PLCB1: variants seen among roughly 807,000 people sequenced by gnomAD.
PLCB1 encodes the protein phospholipase C beta 1.
In PLCB1, 46 loss-of-function variants were observed where a neutral mutation model predicts 161.8. The ratio of observed to expected loss-of-function variants is 0.28; its 90% CI spans 0.22 to 0.36. The LOEUF is 0.36. Among genes scored for constraint, PLCB1 ranks in the 10% least tolerant of loss-of-function variants. PLCB1 has a pLI of 1.00. For synonymous variants in PLCB1, 517 were observed against 503.7 expected (o/e 1.03, Z -0.35); for missense variants, 1,016 against 1,472.5 (o/e 0.69, Z 5.07).
chr20:8,755,324 T>C (rs926315582), intron 23 of PLCB1, among the ~76,000 whole-genome samples: 3 of 151,654 alleles, frequency 2.0e-5, no homozygotes, highest in African/African-American at 7.3e-5. Flanking sequence ...TTTTCATCTG[T>C]AATCACATGC....
intron 2 of PLCB1, among the ~76,000 whole-genome samples, chr20:8,297,891 G>GT (rs201539489): frequency 2.0e-5 from 3 of 147,870 alleles, no homozygotes; most frequent in Admixed American, 6.7e-5. Context: ...TTTCTTTTTG[G>GT]GTTTTTTTTT....
At chr20:8,615,958 TTCTCCAGA>T (rs138511369) in intron 3 of PLCB1, among the ~76,000 whole-genome samples, 3,226 of 152,290 alleles carry the variant, frequency 0.021, 94 homozygotes, top group African/African-American at 0.068. Context: ...AACAGGGTCC[TTCTCCAGA>T]TCTCCCTGCC....
intron 11 of PLCB1, among the ~76,000 whole-genome samples, chr20:8,699,525 T>G (rs1327134875): frequency 6.6e-6 from 1 of 152,080 alleles, no homozygotes; most frequent in African/African-American, 2.4e-5. Flanking sequence ...AAAGGTAGTG[T>G]TTTAGAAGTA....
chr20:8,592,602 C>G (rs541395074), intron 3 of PLCB1, among the ~76,000 whole-genome samples: 1 of 152,130 alleles, frequency 6.6e-6, no homozygotes, highest in East Asian at 1.9e-4. Flanking sequence ...CTTTTTTTCC[C>G]CTTGGAGAAG....
intron 2 of PLCB1, among the ~76,000 whole-genome samples, chr20:8,320,357 C>G (rs1356032474): frequency 1.3e-5 from 2 of 152,142 alleles, no homozygotes; most frequent in African/African-American, 4.8e-5. Context: ...CTTCTGGTAA[C>G]ACAGTTAATT....
chr20:8,479,279 T>C (rs932912208), intron 3 of PLCB1, among the ~76,000 whole-genome samples: 3 of 152,206 alleles, frequency 2.0e-5, no homozygotes, highest in African/African-American at 7.2e-5. Flanking sequence ...TTATTTTTAT[T>C]ATAGAATGAG....
chr20:8,390,627 G>A (rs903937558), intron 3 of PLCB1, among the ~76,000 whole-genome samples: 37 of 152,136 alleles, frequency 2.4e-4, no homozygotes, highest in African/African-American at 8.9e-4. Flanking sequence ...GGTCAATGTG[G>A]ATAAAACTGC....
At chr20:8,758,782 T>G (rs1981869203) in intron 24 of PLCB1, among the ~76,000 whole-genome samples, 1 of 152,222 alleles carries the variant, frequency 6.6e-6, no homozygotes, top group Non-Finnish European at 1.5e-5. Context: ...TTTTCACATT[T>G]AATTTTTTTA....
At chr20:8,729,773 A>G (rs1370213379) in intron 18 of PLCB1, 1 of 152,004 alleles carries the variant, frequency 6.6e-6, no homozygotes, top group African/African-American at 2.4e-5. Flanking sequence ...CAGAATTACT[A>G]ACGTTAAAAG....
rs573513834 is a variant in PLCB1, at chr20:8,274,317, A to G, written c.178-97065A>G. Among the ~76,000 whole-genome samples the G allele has an allele frequency of 3.9e-5, 6 of 152,334 alleles. No homozygotes were observed. In the East Asian group the frequency reaches 1.2e-3, roughly 29 times the overall value. On this transcript the variant is annotated intron_variant, in intron 2 of 31. Transcript: ENST00000338037. ...TGCAATTATCAATATAGATAAAAGC[A>G]TATAAAATAGTTTTATAAAAACTAA... is the stretch of plus-strand genomic sequence containing the variant.
chr20:8,686,024 G>T (rs1990350353), intron 10 of PLCB1, among the ~76,000 whole-genome samples: 1 of 152,110 alleles, frequency 6.6e-6, no homozygotes, highest in South Asian at 2.1e-4. Flanking sequence ...AAAATGTTAT[G>T]ATATATAACC....
chr20:8,538,012 C>A (rs1036360419), intron 3 of PLCB1, among the ~76,000 whole-genome samples: 1 of 152,094 alleles, frequency 6.6e-6, no homozygotes, highest in Non-Finnish European at 1.5e-5. Flanking sequence ...CCTGAATCAT[C>A]AACAAATTAG....
intron 31 of PLCB1, among the ~76,000 whole-genome samples, chr20:8,846,001 C>A (rs942921118): frequency 6.6e-6 from 1 of 152,150 alleles, no homozygotes; most frequent in Non-Finnish European, 1.5e-5. Flanking sequence ...TGGTATCACA[C>A]GAAGGAATTG....
intron 3 of PLCB1, chr20:8,371,957 G>T (rs1382785680): frequency 6.6e-6 from 1 of 152,258 alleles, no homozygotes; most frequent in Non-Finnish European, 1.5e-5. Flanking sequence ...ATTTGTTTTG[G>T]TTTGAAAAAC....
At chr20:8,430,141 A>G (rs1247641796) in intron 3 of PLCB1, among the ~76,000 whole-genome samples, 2 of 152,008 alleles carry the variant, frequency 1.3e-5, no homozygotes, top group Non-Finnish European at 2.9e-5. Flanking sequence ...ATCTACAGAT[A>G]GATCTGAAAC....
At chr20:8,573,890 A>G (rs1986598119) in intron 3 of PLCB1, among the ~76,000 whole-genome samples, 1 of 152,260 alleles carries the variant, frequency 6.6e-6, no homozygotes, top group African/African-American at 2.4e-5. Flanking sequence ...CTGTTATTTC[A>G]GGGTAATTAC....
intron 3 of PLCB1, among the ~76,000 whole-genome samples, chr20:8,555,536 C>T (rs943687474): frequency 9.2e-5 from 14 of 152,100 alleles, no homozygotes; most frequent in South Asian, 4.1e-4. Flanking sequence ...ACACTTTCTA[C>T]TTCCTGTTTG....
chr20:8,698,480 T>C (rs571447181), intron 11 of PLCB1, among the ~76,000 whole-genome samples: 1 of 152,338 alleles, frequency 6.6e-6, no homozygotes, highest in East Asian at 1.9e-4. Context: ...ATCATGATGA[T>C]AGTATTAATT....
chr20:8,875,635 T>A (rs1987754537), intron 31 of PLCB1, among the ~76,000 whole-genome samples: 1 of 151,374 alleles, frequency 6.6e-6, no homozygotes, highest in Admixed American at 6.6e-5. Flanking sequence ...AATTCCAAAT[T>A]TTGAAAACCT....
Sources: allele counts gnomAD v4.1 joint callset (sites outside exome capture counted in the v4.1 genomes callset), GRCh38; gene constraint gnomAD v4.1.1; transcripts MANE v1.5; gene names NCBI Gene and HGNC (gene_info 2026-07-23, HGNC 2026-07-21).